ACVR1C: variants seen among roughly 807,000 people sequenced by gnomAD.
The protein encoded by ACVR1C is activin A receptor type 1C.
In ACVR1C, 23 loss-of-function variants were observed where a neutral mutation model predicts 57.9. The observed-to-expected ratio is 0.40, with a 90% CI of 0.29 to 0.56. The LOEUF is 0.56. Among genes scored for constraint, ACVR1C ranks in the 20% least tolerant of loss-of-function variants. The probability of loss-of-function intolerance (pLI) is 0.50; values close to 1 mark genes in which losing one functional copy is unlikely to be tolerated. For missense variants in ACVR1C, 480 were observed against 607.9 expected, an observed-to-expected ratio of 0.79 and a Z score of 2.21; for synonymous variants, 214 against 215.3, an observed-to-expected ratio of 0.99 and a Z score of 0.05.
intron 1 of ACVR1C, among the ~76,000 whole-genome samples, chr2:157,619,547 T>C (rs1296875859): frequency 3.3e-5 from 5 of 152,038 alleles, no homozygotes; most frequent in Non-Finnish European, 1.5e-5. Flanking sequence ...TATCTGTTTA[T>C]GTATTGTCCG....
chr2:157,579,399 G>A (rs569549978), intron 2 of ACVR1C, among the ~76,000 whole-genome samples: 24 of 152,094 alleles, frequency 1.6e-4, no homozygotes, highest in African/African-American at 4.8e-4. Flanking sequence ...TCATTCTTAT[G>A]CTAATTGTTC....
At chr2:157,626,921 C>A (rs535762723) in intron 1 of ACVR1C, among the ~76,000 whole-genome samples, 3 of 152,046 alleles carry the variant, frequency 2.0e-5, no homozygotes, top group Non-Finnish European at 4.4e-5. Flanking sequence ...TTTAAGTGAG[C>A]GACTTTGAAT....
rs1464812620 is a variant in ACVR1C, at chr2:157,533,435, T to C, written c.*483A>G. 6.6e-6 allele frequency: 1 copy of C among 152,602 alleles called. No individual in the cohort carries two copies. The highest frequency in any genetic ancestry group is 1.5e-5 in the Non-Finnish European group (1 of 68,042). The allele number at this position is 152,602 out of a possible 1,614,324, so 9.5% of individuals were successfully genotyped here. A position where few individuals can be genotyped will look rare whatever the true frequency, so the allele number is the denominator to read the frequency against. Reference sequence around the variant, plus strand: ...TTCGATATATTAAAGTTTAGAGCAATATTTATTTTTAAAAAGTCCTGCTAA... The same window carrying C: ...TTCGATATATTAAAGTTTAGAGCAACATTTATTTTTAAAAAGTCCTGCTAA... On this transcript the variant is annotated 3_prime_UTR_variant, in exon 9 of 9. Coordinates refer to ENST00000243349, the MANE Select transcript of ACVR1C (RefSeq NM_145259.3).
In ACVR1C at chr2:157,528,290, C is replaced by T. The variant is rs1268185738; in HGVS notation, c.*5628G>A. On this transcript the variant is annotated 3_prime_UTR_variant, in exon 9 of 9. Transcript: ENST00000243349. ...GGTATAAGGGTAATCTCCTAAGGCA[C>T]TCAGATTCTTAGTGGCCCTATTAAA... The T allele has an allele frequency of 6.6e-6, 1 of 152,124 alleles. No homozygotes were observed. The highest frequency in any genetic ancestry group is 2.4e-5 in the African/African-American group (1 of 41,430). 9.4% of individuals were successfully genotyped at this position (152,124 alleles called of 1,614,324 possible). A position where few individuals can be genotyped will look rare whatever the true frequency, so the allele number is the denominator to read the frequency against.
chr2:157,621,801 C>A (rs192560967), intron 1 of ACVR1C, among the ~76,000 whole-genome samples: 2 of 152,290 alleles, frequency 1.3e-5, no homozygotes, highest in African/African-American at 4.8e-5. Flanking sequence ...TTTGCCAGGA[C>A]TGAATAGCCT....
chr2:157,536,707 TAAG>T (rs954774842), intron 8 of ACVR1C, among the ~76,000 whole-genome samples: 53 of 152,160 alleles, frequency 3.5e-4, no homozygotes, highest in African/African-American at 1.3e-3. Flanking sequence ...ATTTGAGAGG[TAAG>T]AAGAAATGTT....
At chr2:157,549,561 G>T (rs541441596) in intron 4 of ACVR1C, among the ~76,000 whole-genome samples, 2 of 152,002 alleles carry the variant, frequency 1.3e-5, no homozygotes, top group African/African-American at 4.8e-5. Flanking sequence ...TTTAAGCACC[G>T]CCCTGGCTAT....
Position 157,556,208 on chromosome 2 carries a change from G to A in ACVR1C, c.429C>T (p.Tyr143=), listed in dbSNP as rs767683263. Residue 143 remains tyrosine (Y), a synonymous_variant, in exon 3 of 9, where the codon TAC becomes TAT. Coordinates refer to ENST00000243349, the MANE Select transcript of ACVR1C (RefSeq NM_145259.3). ...CCACATTTGGTCTCTTTTTCTTCCT[G>A]TAGGAGCACTGTCGACCCTGGCATG... ...VWACQGRQCS[Y]RKKKRPNVEE... is the part of the protein sequence containing the mutation. 5 of 1,614,008 alleles carry A rather than the reference G, an allele frequency of 3.1e-6. No individual in the cohort carries two copies. Among genetic ancestry groups the A allele is most frequent in the South Asian group, 1.1e-5 (1 of 91,074 alleles).
At chr2:157,539,627 T>C (rs527915706) in intron 7 of ACVR1C, among the ~76,000 whole-genome samples, 1 of 152,336 alleles carries the variant, frequency 6.6e-6, no homozygotes, top group South Asian at 2.1e-4. Context: ...CTGCCGTGCA[T>C]TGCCTTAAGG....
intron 1 of ACVR1C, among the ~76,000 whole-genome samples, chr2:157,592,456 G>T (rs1689069478): frequency 6.6e-6 from 1 of 152,016 alleles, no homozygotes; most frequent in Admixed American, 6.6e-5. Context: ...TTTAAATCTT[G>T]CACGATGAAA....
chr2:157,597,324 T>C, intron 1 of ACVR1C: 2 of 985,378 alleles, frequency 2.0e-6, no homozygotes, highest in Non-Finnish European at 2.4e-6. Flanking sequence ...AAAAGGACCT[T>C]GGCACCCCGG....
At chr2:157,572,380 A>T (rs1254216972) in intron 2 of ACVR1C, among the ~76,000 whole-genome samples, 1,771 of 118,232 alleles carry the variant, frequency 0.015, 15 homozygotes, top group Middle Eastern at 0.034. Flanking sequence ...AAAAAAAATT[A>T]AAAAAAAAAA....
chr2:157,588,043 G>A (rs909083737), intron 1 of ACVR1C, among the ~76,000 whole-genome samples: 2 of 151,944 alleles, frequency 1.3e-5, no homozygotes, highest in African/African-American at 4.8e-5. Flanking sequence ...ACTAAAGAAC[G>A]TATACTAGAA....
In ACVR1C at chr2:157,544,362, A is replaced by G. The variant is rs992500523; in HGVS notation, c.943+83T>C. The stretch of plus-strand genomic sequence containing the variant: ...GCCCAGCCTAAAGAAATAATAATTA[A>G]TTACTCCTAATAAATTAAAATATAA... On this transcript the variant is annotated intron_variant, in intron 5 of 8. Transcript: ENST00000243349. 16 of 1,322,102 alleles carry G rather than the reference A, an allele frequency of 1.2e-5. No homozygotes were observed. In the African/African-American group the frequency reaches 2.0e-4, roughly 16 times the overall value. 81.9% of individuals were successfully genotyped at this position (1,322,102 alleles called of 1,614,324 possible). A position where few individuals can be genotyped will look rare whatever the true frequency, so the allele number is the denominator to read the frequency against.
intron 1 of ACVR1C, among the ~76,000 whole-genome samples, chr2:157,628,069 C>G (rs375967716): frequency 6.6e-6 from 1 of 152,272 alleles, no homozygotes; most frequent in East Asian, 1.9e-4. Context: ...GCATCTGCGG[C>G]TTTTGGGGTA....
At chr2:157,609,386 A>G (rs1028677204) in intron 1 of ACVR1C, among the ~76,000 whole-genome samples, 11 of 152,058 alleles carry the variant, frequency 7.2e-5, no homozygotes, top group African/African-American at 2.6e-4. Flanking sequence ...TTGCAACCTA[A>G]CACATGATCT....
At chr2:157,612,366 C>T (rs1469637614) in intron 1 of ACVR1C, among the ~76,000 whole-genome samples, 1 of 152,072 alleles carries the variant, frequency 6.6e-6, no homozygotes, top group Non-Finnish European at 1.5e-5. Flanking sequence ...CCTCTGGCAG[C>T]AGCAAGGGCA....
chr2:157,622,822 C>T (rs1682811953), intron 1 of ACVR1C, among the ~76,000 whole-genome samples: 1 of 151,986 alleles, frequency 6.6e-6, no homozygotes, highest in Admixed American at 6.6e-5. Flanking sequence ...AAAAGACAAT[C>T]CACAGAATGA....
Position 157,566,725 on chromosome 2 carries a change from C to T in ACVR1C, c.305-10393G>A, listed in dbSNP as rs370467514. ...AGAGGGTCCTACGCCCAGGGAGTCT[C>T]GCTGATTGCTAGCACAGCAGTCTGA... On this transcript the variant is annotated intron_variant, in intron 2 of 8. Transcript: ENST00000243349. Among the ~76,000 whole-genome samples the T allele has an allele frequency of 4.9e-4, 75 of 151,738 alleles. No homozygotes were observed. In the East Asian group the frequency reaches 0.011, roughly 23 times the overall value.
Sources: allele counts gnomAD v4.1 joint callset (sites outside exome capture counted in the v4.1 genomes callset), GRCh38; gene constraint gnomAD v4.1.1; transcripts MANE v1.5; gene names NCBI Gene and HGNC (gene_info 2026-07-23, HGNC 2026-07-21).